The following FAM135B variants were observed in gnomAD, a reference collection of about 807,000 sequenced individuals.
FAM135B encodes family with sequence similarity 135 member B.
A neutral mutation model predicts 127.7 loss-of-function variants in FAM135B; 43 were observed. The observed-to-expected ratio is 0.34, with a 90% CI of 0.26 to 0.43. FAM135B has a LOEUF of 0.43. Among genes scored for constraint, FAM135B ranks in the 20% least tolerant of loss-of-function variants. The pLI, the probability that FAM135B is intolerant of heterozygous loss-of-function variation, is 1.00. For missense variants in FAM135B, 1,558 were observed against 1,725.6 expected, an observed-to-expected ratio of 0.90 and a Z score of 1.72; for synonymous variants, 670 against 665.1, an observed-to-expected ratio of 1.01 and a Z score of -0.11.
At chr8:138,400,668 T>C (rs573060959) in intron 1 of FAM135B, among the ~76,000 whole-genome samples, 59 of 152,262 alleles carry the variant, frequency 3.9e-4, no homozygotes, top group African/African-American at 1.4e-3. Flanking sequence ...TCAGCCTTTG[T>C]TTAAACCCAT....
In FAM135B at chr8:138,308,979, C is replaced by A. The variant is rs1187350190; in HGVS notation, c.157+1862G>T. ...ATGACATGACCACAGGTAGGACTAA[C>A]TGGCTACTTACCTTGTGCTGGTTCT... is the stretch of plus-strand genomic sequence containing the variant. On this transcript the variant is annotated intron_variant, in intron 3 of 19. Coordinates refer to ENST00000395297, the MANE Select transcript of FAM135B (RefSeq NM_015912.4). The A allele has an allele frequency of 3.3e-5, 15 of 454,612 alleles. No individual in the cohort carries two copies. The East Asian group carries it at 6.3e-4, about 19-fold the overall frequency. 28.2% of individuals were successfully genotyped at this position (454,612 alleles called of 1,614,324 possible). A position where few individuals can be genotyped will look rare whatever the true frequency, so the allele number is the denominator to read the frequency against.
chr8:138,188,861 G>C (rs1475549485), intron 9 of FAM135B, among the ~76,000 whole-genome samples: 1 of 152,098 alleles, frequency 6.6e-6, no homozygotes, highest in Admixed American at 6.5e-5. Context: ...CCTTTTCCTG[G>C]GTAGACTTAG....
intron 2 of FAM135B, among the ~76,000 whole-genome samples, chr8:138,353,635 T>C (rs913792377): frequency 6.6e-6 from 1 of 152,206 alleles, no homozygotes; most frequent in African/African-American, 2.4e-5. Flanking sequence ...GACAAACAGC[T>C]ATGAATCCAA....
intron 2 of FAM135B, among the ~76,000 whole-genome samples, chr8:138,346,391 C>A (rs112034389): frequency 0.027 from 4,156 of 152,168 alleles, 185 homozygotes; most frequent in African/African-American, 0.094. Flanking sequence ...AGCACTATTC[C>A]CAATAGCAAA....
At chr8:138,310,499 C>T (rs149225469) in intron 3 of FAM135B, among the ~76,000 whole-genome samples, 151 of 152,246 alleles carry the variant, frequency 9.9e-4, no homozygotes, top group Non-Finnish European at 1.6e-3. Flanking sequence ...AGTTGATTCC[C>T]AGGTTCCCTT....
chr8:138,146,749 T>C (rs1331864626), intron 14 of FAM135B, among the ~76,000 whole-genome samples: 5 of 152,202 alleles, frequency 3.3e-5, no homozygotes, highest in Admixed American at 2.6e-4. Context: ...TGAAGTATAG[T>C]GAGGCATAAA....
intron 2 of FAM135B, among the ~76,000 whole-genome samples, chr8:138,321,422 C>G (rs1215247520): frequency 6.6e-6 from 1 of 152,102 alleles, no homozygotes; most frequent in African/African-American, 2.4e-5. Flanking sequence ...TATGATTATA[C>G]CAAACAGCAC....
intron 1 of FAM135B, among the ~76,000 whole-genome samples, chr8:138,434,581 C>G (rs1835362341): frequency 6.6e-6 from 1 of 152,174 alleles, no homozygotes; most frequent in African/African-American, 2.4e-5. Flanking sequence ...CCCAGCTTAC[C>G]TAGCTACAGT....
intron 7 of FAM135B, among the ~76,000 whole-genome samples, chr8:138,237,513 G>A (rs956234855): frequency 1.3e-5 from 2 of 152,168 alleles, no homozygotes; most frequent in African/African-American, 4.8e-5. Flanking sequence ...TTCATCAGCT[G>A]TGATGGCTAT....
At chr8:138,150,487 G>A (rs995498912) in intron 13 of FAM135B, among the ~76,000 whole-genome samples, 4 of 152,148 alleles carry the variant, frequency 2.6e-5, no homozygotes, top group Non-Finnish European at 5.9e-5. Flanking sequence ...AGCCAACATG[G>A]TGAAACCCCG....
intron 12 of FAM135B, among the ~76,000 whole-genome samples, chr8:138,163,111 A>T (rs961782003): frequency 1.3e-5 from 2 of 152,234 alleles, no homozygotes; most frequent in African/African-American, 2.4e-5. Flanking sequence ...GTTAACGTGC[A>T]TTCAGAATGC....
At chr8:138,369,642 T>G (rs1304220304) in intron 1 of FAM135B, among the ~76,000 whole-genome samples, 1 of 151,932 alleles carries the variant, frequency 6.6e-6, no homozygotes, top group Admixed American at 6.6e-5. Flanking sequence ...GCCATGGAGG[T>G]GCACCCTGGC....
chr8:138,304,609 G>A (rs973215968), intron 3 of FAM135B, among the ~76,000 whole-genome samples: 2 of 152,238 alleles, frequency 1.3e-5, no homozygotes, highest in African/African-American at 4.8e-5. Flanking sequence ...GGCATTCAAA[G>A]TTGAAGGAAC....
intron 6 of FAM135B, among the ~76,000 whole-genome samples, chr8:138,246,690 T>TC (rs1821314495): frequency 1.3e-5 from 2 of 151,534 alleles, no homozygotes; most frequent in Admixed American, 1.3e-4. Context: ...CCACACAGAG[T>TC]CCCCACTGGG....
At chr8:138,381,980 C>G (rs1198691717) in intron 1 of FAM135B, among the ~76,000 whole-genome samples, 1 of 152,054 alleles carries the variant, frequency 6.6e-6, no homozygotes, top group Non-Finnish European at 1.5e-5. Flanking sequence ...AGATGCAAGG[C>G]TCCCACACAT....
intron 7 of FAM135B, among the ~76,000 whole-genome samples, chr8:138,227,384 G>T (rs1586825684): frequency 6.6e-6 from 1 of 152,194 alleles, no homozygotes; most frequent in Non-Finnish European, 1.5e-5. Flanking sequence ...CATTAGTAGG[G>T]ACATTCATGA....
intron 1 of FAM135B, among the ~76,000 whole-genome samples, chr8:138,484,736 G>A (rs1240868501): frequency 6.6e-6 from 1 of 151,738 alleles, no homozygotes; most frequent in African/African-American, 2.4e-5. Flanking sequence ...AAGAAGAGGG[G>A]AAAGGAAGAA....
At chr8:138,180,792 T>G (rs1361919414) in intron 9 of FAM135B, among the ~76,000 whole-genome samples, 1 of 152,218 alleles carries the variant, frequency 6.6e-6, no homozygotes, top group African/African-American at 2.4e-5. Context: ...AAGTCTGTGA[T>G]GATGACACAA....
chr8:138,387,689 C>T (rs953803642), intron 1 of FAM135B, among the ~76,000 whole-genome samples: 1 of 152,100 alleles, frequency 6.6e-6, no homozygotes, highest in Non-Finnish European at 1.5e-5. Flanking sequence ...GCTGTTATTA[C>T]CCAATTCCAC....
Sources: gnomAD v4.1 joint callset for allele counts (sites outside exome capture counted in the v4.1 genomes callset) on GRCh38, gnomAD v4.1.1 for gene constraint, MANE v1.5 for transcripts, NCBI Gene and HGNC (gene_info 2026-07-23, HGNC 2026-07-21) for gene names.